The following INPP4A variants were observed in gnomAD, a reference collection of about 807,000 sequenced individuals.
The protein encoded by INPP4A is inositol polyphosphate-4-phosphatase type I A, also known as inositol polyphosphate-4-phosphatase, type I, 107kD.
INPP4A carries 33 observed loss-of-function variants against 119.8 expected under a neutral mutation model. That is an observed-to-expected ratio of 0.28 (90% CI 0.21 to 0.37). The LOEUF (loss-of-function observed/expected upper bound fraction) is 0.37, where lower values mean the gene tolerates loss of function less well. INPP4A is among the 10% of genes least tolerant of loss of function. The probability of loss-of-function intolerance (pLI) is 1.00; values close to 1 mark genes in which losing one functional copy is unlikely to be tolerated. For synonymous variants in INPP4A, 496 were observed against 500.7 expected, an observed-to-expected ratio of 0.99 and a Z score of 0.12; for missense variants, 956 against 1,289.9, an observed-to-expected ratio of 0.74 and a Z score of 3.97.
chr2:98,487,391 TTTATC>T (rs1679777515), intron 1 of INPP4A, among the ~76,000 whole-genome samples: 2 of 152,306 alleles, frequency 1.3e-5, no homozygotes, highest in Admixed American at 1.3e-4. Flanking sequence ...CAATTTTTAT[TTTATC>T]TTATTTATTT....
rs143084776 is a variant in INPP4A, at chr2:98,566,774, C to T, written c.2420+605C>T. The stretch of plus-strand genomic sequence containing the variant: ...CTGTGTGTGCACGTGTGCCTGTGTG[C>T]GCACATGTGTGTGAGGAGATAGGGT... On this transcript the variant is annotated intron_variant, in intron 21 of 24. Transcript: ENST00000409851. This position sits in a 1 kb window ranked among gnomAD's most constrained non-coding sequence, Gnocchi z 4.2. Among the ~76,000 whole-genome samples the T allele has an allele frequency of 3.3e-4, 50 of 152,170 alleles. No homozygotes were observed. The highest frequency in any genetic ancestry group is 6.3e-4 in the African/African-American group (26 of 41,502).
chr2:98,571,414 G>A (rs933381451), intron 22 of INPP4A, among the ~76,000 whole-genome samples: 8 of 152,264 alleles, frequency 5.3e-5, no homozygotes, highest in African/African-American at 1.4e-4. Context: ...AGTAGGGGGC[G>A]CGTGCTGAGG....
intron 4 of INPP4A, among the ~76,000 whole-genome samples, chr2:98,531,510 T>A (rs115903781): frequency 0.011 from 1,704 of 152,172 alleles, 22 homozygotes; most frequent in Middle Eastern, 0.027. Flanking sequence ...CCCAAAGTAA[T>A]ACAACAATTC....
chr2:98,577,801 C>T (rs1698678818), intron 24 of INPP4A, among the ~76,000 whole-genome samples: 1 of 152,220 alleles, frequency 6.6e-6, no homozygotes, highest in South Asian at 2.1e-4. Flanking sequence ...GTTTCAAGCA[C>T]TGCTGGGCAG....
At chr2:98,470,772 G>A (rs916942272) in intron 1 of INPP4A, among the ~76,000 whole-genome samples, 6 of 151,932 alleles carry the variant, frequency 3.9e-5, no homozygotes, top group African/African-American at 1.5e-4. Context: ...GGTTTAAGCT[G>A]TTCTCCTGCC....
chr2:98,580,106 C>T (rs1190106774), intron 24 of INPP4A, among the ~76,000 whole-genome samples: 1 of 152,270 alleles, frequency 6.6e-6, no homozygotes, highest in Admixed American at 6.5e-5. Context: ...GCTCTGGCTG[C>T]TGGGGTGCCG....
At chr2:98,448,353 C>CAAA (rs571844955) in intron 1 of INPP4A, among the ~76,000 whole-genome samples, 8 of 99,724 alleles carry the variant, frequency 8.0e-5, no homozygotes, top group Non-Finnish European at 1.2e-4. Context: ...GAGACTGTCT[C>CAAA]AAAAAAAAAA....
chr2:98,492,512 T>G (rs900774170), intron 1 of INPP4A, among the ~76,000 whole-genome samples: 1 of 152,228 alleles, frequency 6.6e-6, no homozygotes, highest in African/African-American at 2.4e-5. Context: ...AGGCCTTTAC[T>G]CATTCCTGTC....
chr2:98,520,161 C>T lies in INPP4A; in HGVS notation c.106+7C>T. 6.4e-7 allele frequency: 1 copy of T among 1,551,368 alleles called. No homozygotes were observed. The highest frequency in any genetic ancestry group is 8.7e-7 in the Non-Finnish European group (1 of 1,145,852). On this transcript the variant is annotated splice_region_variant and intron_variant, in intron 3 of 24. Transcript: ENST00000409851. ...CTGGGCCTCTCTCTGGCAGGTGAGC[C>T]TCACAGGGCCTGCACCGGGCTCCAG...
intron 23 of INPP4A, among the ~76,000 whole-genome samples, chr2:98,576,665 C>T (rs1304766417): frequency 6.6e-6 from 1 of 152,158 alleles, no homozygotes; most frequent in Non-Finnish European, 1.5e-5. Flanking sequence ...TAAGAGGGCC[C>T]AGGCATGGCT....
In INPP4A at chr2:98,546,217, A is replaced by G. The variant is rs184860576; in HGVS notation, c.1054+144A>G. The G allele has an allele frequency of 1.3e-3, 785 of 612,916 alleles. 7 individuals are homozygous for G. The African/African-American group carries it at 0.013, about 10-fold the overall frequency. 38.0% of individuals were successfully genotyped at this position (612,916 alleles called of 1,614,324 possible). On this transcript the variant is annotated intron_variant, in intron 12 of 24. Transcript: ENST00000409851. The surrounding 1 kb of genome is among the most constrained non-coding windows in gnomAD (Gnocchi z 4.2). The stretch of plus-strand genomic sequence containing the variant: ...GAGAGATTTGTCACAAGGACCTTCA[A>G]AAGGTTTCTGATAACAGCCCACACC...
intron 22 of INPP4A, among the ~76,000 whole-genome samples, chr2:98,572,514 A>G (rs1697648090): frequency 1.3e-5 from 2 of 152,158 alleles, no homozygotes; most frequent in South Asian, 4.1e-4. Flanking sequence ...CTCATCTGGG[A>G]GGGGTGCGGG....
At chr2:98,479,357 G>A (rs1183421282) in intron 1 of INPP4A, among the ~76,000 whole-genome samples, 1 of 152,140 alleles carries the variant, frequency 6.6e-6, no homozygotes, top group Non-Finnish European at 1.5e-5. Flanking sequence ...ACCCTACTTT[G>A]ATGAGTTGAG....
chr2:98,469,349 T>A (rs1331715517), intron 1 of INPP4A, among the ~76,000 whole-genome samples: 3 of 151,418 alleles, frequency 2.0e-5, no homozygotes. Context: ...ATACAAAAAT[T>A]AGTCGGGTGT....
intron 4 of INPP4A, among the ~76,000 whole-genome samples, chr2:98,524,608 C>T (rs943226116): frequency 8.5e-5 from 13 of 152,138 alleles, no homozygotes; most frequent in Admixed American, 8.5e-4. Context: ...GCCTGAAAGA[C>T]CTGAATATTC....
At chr2:98,541,996 A>G (rs530909446) in intron 10 of INPP4A, among the ~76,000 whole-genome samples, 27 of 152,360 alleles carry the variant, frequency 1.8e-4, no homozygotes, top group African/African-American at 6.5e-4. Flanking sequence ...GGTGAGCTCA[A>G]CGTGGATGTT....
intron 1 of INPP4A, among the ~76,000 whole-genome samples, chr2:98,469,785 C>T (rs539577730): frequency 6.6e-6 from 1 of 152,246 alleles, no homozygotes; most frequent in South Asian, 2.1e-4. Flanking sequence ...GCCTGGGCAG[C>T]AAGAAAGAAA....
At chr2:98,482,790 A>G (rs926620831) in intron 1 of INPP4A, among the ~76,000 whole-genome samples, 2 of 152,264 alleles carry the variant, frequency 1.3e-5, no homozygotes, top group Non-Finnish European at 2.9e-5. Context: ...TGAAAAAATT[A>G]TACTTACATT....
At chr2:98,557,559 A>G (rs534161523) in intron 16 of INPP4A, among the ~76,000 whole-genome samples, 32 of 152,336 alleles carry the variant, frequency 2.1e-4, no homozygotes, top group Non-Finnish European at 4.4e-5. Flanking sequence ...ATGAGCAGGT[A>G]TGTTCACACC....
Sources: gnomAD v4.1 joint callset for allele counts (sites outside exome capture counted in the v4.1 genomes callset) on GRCh38, gnomAD v4.1.1 for gene constraint, Gnocchi (gnomAD v3.1) non-coding constraint, MANE v1.5 for transcripts, NCBI Gene and HGNC (gene_info 2026-07-23, HGNC 2026-07-21) for gene names.